Variants in FARS2 observed in about 807,000 individuals in gnomAD.
FARS2 encodes phenylalanyl-tRNA synthetase 2, mitochondrial.
FARS2 carries 40 observed loss-of-function variants against 46.4 expected under a neutral mutation model. That is an observed-to-expected ratio of 0.86 (90% CI 0.67 to 1.12). The LOEUF (loss-of-function observed/expected upper bound fraction) is 1.12, where lower values mean the gene tolerates loss of function less well. Among genes scored for constraint, FARS2 ranks in the 50% most tolerant of loss-of-function variants. FARS2 has a pLI of 0.00. For synonymous variants in FARS2, 234 were observed against 214.9 expected (o/e 1.09, Z -0.78); for missense variants, 513 against 567.9 (o/e 0.90, Z 0.98).
chr6:5,667,364 G>A (rs1044071112), intron 6 of FARS2, among the ~76,000 whole-genome samples: 2 of 151,628 alleles, frequency 1.3e-5, no homozygotes, highest in African/African-American at 2.4e-5. Flanking sequence ...CTAAAAATAC[G>A]AAAATTAGCC....
intron 5 of FARS2, among the ~76,000 whole-genome samples, chr6:5,555,744 TTAAG>T (rs1162476000): frequency 6.6e-6 from 1 of 152,136 alleles, no homozygotes; most frequent in East Asian, 1.9e-4. Context: ...CGAAAGTATA[TTAAG>T]TATTTTCTTT....
rs1554128882 is a variant in FARS2 at position 5,717,935 on chromosome 6, TAC to T, written c.1218-53354_1218-53353del. ...ATATATATATATATATATATATATA[TAC>T]AGAGTCTCACTCTGTCGCCCAGGCT... On this transcript the variant is annotated intron_variant, in intron 6 of 6. Transcript: ENST00000274680. 3.0e-3 allele frequency among the ~76,000 whole-genome samples: 412 copies of T among 135,650 alleles called. 21 individuals carry two copies. Among genetic ancestry groups the T allele is most frequent in the African/African-American group, 0.012 (381 of 32,592 alleles). 89.0% of individuals were successfully genotyped at this position (135,650 alleles called of 152,430 possible).
At chr6:5,368,043 T>G (rs562737750) in intron 1 of FARS2, among the ~76,000 whole-genome samples, 6 of 152,340 alleles carry the variant, frequency 3.9e-5, no homozygotes, top group Admixed American at 1.3e-4. Flanking sequence ...TCTGTAGTTA[T>G]GAGGATGGTC....
chr6:5,628,217 T>C (rs1776129406), intron 6 of FARS2, among the ~76,000 whole-genome samples: 1 of 152,298 alleles, frequency 6.6e-6, no homozygotes, highest in African/African-American at 2.4e-5. Context: ...GTAATGTGTT[T>C]GTGTGTAAGT....
chr6:5,263,511 C>T (rs965438925), intron 1 of FARS2, among the ~76,000 whole-genome samples: 11 of 152,186 alleles, frequency 7.2e-5, no homozygotes, highest in African/African-American at 2.4e-4. Flanking sequence ...ATCTTCATTG[C>T]GGAGATGACT....
chr6:5,590,210 C>T (rs1276066686), intron 5 of FARS2, among the ~76,000 whole-genome samples: 1 of 152,170 alleles, frequency 6.6e-6, no homozygotes, highest in Non-Finnish European at 1.5e-5. Flanking sequence ...AAGAATGATG[C>T]ATAGATGACC....
At chr6:5,428,211 T>C (rs1394970332) in intron 3 of FARS2, among the ~76,000 whole-genome samples, 1 of 152,214 alleles carries the variant, frequency 6.6e-6, no homozygotes, top group Admixed American at 6.5e-5. Context: ...TGTCTTCCTC[T>C]TGGACTAGGG....
chr6:5,509,955 G>A (rs576427669), intron 4 of FARS2, among the ~76,000 whole-genome samples: 4 of 152,010 alleles, frequency 2.6e-5, no homozygotes, highest in Non-Finnish European at 5.9e-5. Context: ...ATTTAATGTG[G>A]AGCTCTTTAT....
intron 6 of FARS2, among the ~76,000 whole-genome samples, chr6:5,636,644 G>C (rs73718333): frequency 0.061 from 9,324 of 152,274 alleles, 805 homozygotes; most frequent in African/African-American, 0.19. Context: ...GAAGGGAGAT[G>C]AGAGAGTCCA....
chr6:5,493,000 T>C (rs996546784), intron 4 of FARS2, among the ~76,000 whole-genome samples: 5 of 152,152 alleles, frequency 3.3e-5, no homozygotes, highest in African/African-American at 9.6e-5. Context: ...CATCTACACA[T>C]TTTTTTCCTT....
intron 1 of FARS2, among the ~76,000 whole-genome samples, chr6:5,362,341 T>C (rs1213177989): frequency 1.3e-5 from 2 of 152,252 alleles, no homozygotes; most frequent in Non-Finnish European, 2.9e-5. Context: ...TTGAGAAATA[T>C]AGGGAAAGTA....
intron 6 of FARS2, among the ~76,000 whole-genome samples, chr6:5,645,837 G>A (rs965012421): frequency 2.6e-5 from 4 of 152,198 alleles, no homozygotes; most frequent in Non-Finnish European, 4.4e-5. Flanking sequence ...GAGGCTATAG[G>A]ATAAATAAGC....
chr6:5,564,499 A>G (rs902667861), intron 5 of FARS2, among the ~76,000 whole-genome samples: 16 of 152,226 alleles, frequency 1.1e-4, no homozygotes, highest in Non-Finnish European at 2.1e-4. Flanking sequence ...AATGTAGGCA[A>G]AAAGCTTAAA....
chr6:5,269,134 T>C (rs924179566), intron 1 of FARS2, among the ~76,000 whole-genome samples: 1 of 152,186 alleles, frequency 6.6e-6, no homozygotes, highest in East Asian at 1.9e-4. Context: ...GTGGCACATA[T>C]ACACCATGGA....
At chr6:5,341,229 ATATATATTTTTTT>A (rs1771608173) in intron 1 of FARS2, among the ~76,000 whole-genome samples, 1 of 4,476 alleles carries the variant, frequency 2.2e-4, no homozygotes, top group African/African-American at 9.4e-4. Context: ...ATATATATAT[ATATATATTTTTTT>A]TTTTTTTTTT....
chr6:5,451,236 A>T lies in FARS2; in HGVS notation c.904+20064A>T, dbSNP rs1028375311. On this transcript the variant is annotated intron_variant, in intron 4 of 6. Coordinates refer to ENST00000274680, the MANE Select transcript of FARS2 (RefSeq NM_006567.5). ...TAAATGAAAAAGTCTTCAAATGTTG[A>T]CTTCTAAGGCTTTATTACCTCAGAC... Among the ~76,000 whole-genome samples, 14 of 151,620 alleles carry T rather than the reference A, an allele frequency of 9.2e-5. 1 individual carries two copies. The highest frequency in any genetic ancestry group is 1.0e-4 in the Non-Finnish European group (7 of 67,960).
intron 6 of FARS2, among the ~76,000 whole-genome samples, chr6:5,614,586 A>G (rs1045720548): frequency 2.6e-5 from 4 of 151,460 alleles, no homozygotes; most frequent in Admixed American, 2.0e-4. Flanking sequence ...ATTTTTTTGT[A>G]TTTTTTAGTA....
At chr6:5,620,648 ACAGAGTT>A (rs1313456389) in intron 6 of FARS2, among the ~76,000 whole-genome samples, 1 of 152,092 alleles carries the variant, frequency 6.6e-6, no homozygotes, top group Non-Finnish European at 1.5e-5. Context: ...TTTGTCTTAT[ACAGAGTT>A]CAGAATACCC....
chr6:5,549,073 G>T (rs1327189055), intron 5 of FARS2, among the ~76,000 whole-genome samples: 1 of 152,018 alleles, frequency 6.6e-6, no homozygotes, highest in Non-Finnish European at 1.5e-5. Context: ...TACAGTTCTA[G>T]AGGTCAGAAA....
Sources: allele counts gnomAD v4.1 joint callset (sites outside exome capture counted in the v4.1 genomes callset), GRCh38; gene constraint gnomAD v4.1.1; transcripts MANE v1.5; gene names NCBI Gene and HGNC (gene_info 2026-07-23, HGNC 2026-07-21).